TTLL7: variants seen among roughly 807,000 people sequenced by gnomAD.
The protein encoded by TTLL7 is tubulin tyrosine ligase like 7.
A neutral mutation model predicts 120.2 loss-of-function variants in TTLL7; 53 were observed. The ratio of observed to expected loss-of-function variants is 0.44; its 90% CI spans 0.35 to 0.55. The LOEUF is 0.55. Among genes scored for constraint, TTLL7 ranks in the 20% least tolerant of loss-of-function variants. The pLI, the probability that TTLL7 is intolerant of heterozygous loss-of-function variation, is 0.00. For synonymous variants in TTLL7, 353 were observed against 351.7 expected, an observed-to-expected ratio of 1.00 and a Z score of -0.04; for missense variants, 803 against 1,054.7, an observed-to-expected ratio of 0.76 and a Z score of 3.31.
chr1:83,951,988 T>G lies in TTLL7; in HGVS notation c.26-12A>C, dbSNP rs757639466. Reference sequence around the variant, plus strand: ...GGGTCCCTGAATAACTTTAAAAAAATGTAAAATAATCAGATAACACTGAAA... The same window carrying G: ...GGGTCCCTGAATAACTTTAAAAAAAGGTAAAATAATCAGATAACACTGAAA... On this transcript the variant is annotated splice_polypyrimidine_tract_variant and intron_variant, in intron 2 of 20. Coordinates refer to ENST00000260505, the MANE Select transcript of TTLL7 (RefSeq NM_024686.6). 4 of 1,598,604 alleles carry G rather than the reference T, an allele frequency of 2.5e-6. No individual in the cohort carries two copies. The East Asian group carries it at 6.7e-5, about 27-fold the overall frequency.
intron 14 of TTLL7, among the ~76,000 whole-genome samples, chr1:83,916,697 T>C (rs545966882): frequency 4.6e-5 from 7 of 152,138 alleles, no homozygotes; most frequent in Non-Finnish European, 4.4e-5. Context: ...AGAGATAGCA[T>C]AGTAATTCTG....
At chr1:83,932,830 G>A (rs754201169) in intron 9 of TTLL7, among the ~76,000 whole-genome samples, 3 of 152,112 alleles carry the variant, frequency 2.0e-5, no homozygotes, top group Non-Finnish European at 2.9e-5. Flanking sequence ...AAGCGGCCAC[G>A]AGAAGGTGTG....
Position 83,868,360 on chromosome 1 carries a change from T to C in TTLL7, c.*1602A>G, listed in dbSNP as rs1653058763. The C allele has an allele frequency of 1.3e-5, 2 of 152,214 alleles. No homozygotes were observed. Among genetic ancestry groups the C allele is most frequent in the South Asian group, 2.1e-4 (1 of 4,834 alleles). 9.4% of individuals were successfully genotyped at this position (152,214 alleles called of 1,614,324 possible). ...GTGATGGCTGCACTGATGATTTCAA[T>C]GTCAAAGTAGTACGGCTTATATTTT... On this transcript the variant is annotated 3_prime_UTR_variant, in exon 21 of 21. Transcript: ENST00000260505.
At chr1:83,946,980 T>C in intron 6 of TTLL7, 144 bp downstream of exon 6, 1 of 588,360 alleles carries the variant, frequency 1.7e-6, no homozygotes, top group Non-Finnish European at 2.7e-6. Context: ...TCATTAAATA[T>C]TTGGTTCCAA....
intron 9 of TTLL7, among the ~76,000 whole-genome samples, chr1:83,932,484 G>A (rs1659677019): frequency 6.6e-6 from 1 of 151,960 alleles, no homozygotes; most frequent in Non-Finnish European, 1.5e-5. Context: ...AGCAAAATAT[G>A]AACATCCAAC....
At chr1:83,972,949 C>A (rs980784040) in intron 1 of TTLL7, among the ~76,000 whole-genome samples, 4 of 151,988 alleles carry the variant, frequency 2.6e-5, no homozygotes, top group Admixed American at 2.0e-4. Context: ...TTTAAGAGTT[C>A]TTTGTATATT....
intron 9 of TTLL7, among the ~76,000 whole-genome samples, chr1:83,933,344 A>G (rs1297426127): frequency 6.6e-6 from 1 of 152,184 alleles, no homozygotes; most frequent in Admixed American, 6.6e-5. Context: ...ACAAAACAGT[A>G]AAAGCACCTC....
At chr1:83,986,126 A>G (rs1004810656) in intron 1 of TTLL7, among the ~76,000 whole-genome samples, 19 of 152,206 alleles carry the variant, frequency 1.2e-4, no homozygotes, top group Non-Finnish European at 1.5e-5. Flanking sequence ...ACAGACCAAT[A>G]TATTTCATTC....
chr1:83,967,490 T>C (rs1650578879), intron 1 of TTLL7, among the ~76,000 whole-genome samples: 1 of 152,092 alleles, frequency 6.6e-6, no homozygotes, highest in Non-Finnish European at 1.5e-5. Flanking sequence ...GGGCTGAACC[T>C]GCAGAAGGAG....
In TTLL7 at chr1:83,878,577, G is replaced by C. The variant is rs183949072; in HGVS notation, c.2543+4386C>G. On this transcript the variant is annotated intron_variant, in intron 20 of 20. Transcript: ENST00000260505. ...AGCACTAACAAATACTCACTAACAG[G>C]TACTGGGTTAGCAAGTACTTTCGAG... is the stretch of plus-strand genomic sequence containing the variant. 3.3e-5 allele frequency among the ~76,000 whole-genome samples: 5 copies of C among 151,932 alleles called. No homozygotes were observed. In the East Asian group the frequency reaches 9.7e-4, roughly 29 times the overall value.
At chr1:83,892,978 AAGAG>A (rs1655901370) in intron 18 of TTLL7, among the ~76,000 whole-genome samples, 1 of 147,680 alleles carries the variant, frequency 6.8e-6, no homozygotes, top group South Asian at 2.2e-4. Context: ...AAAGAGAAAA[AAGAG>A]AGGGGAGGGG....
At chr1:83,991,403 T>C (rs2100646077) in intron 1 of TTLL7, among the ~76,000 whole-genome samples, 1 of 152,292 alleles carries the variant, frequency 6.6e-6, no homozygotes, top group South Asian at 2.1e-4. Flanking sequence ...CCCTGCATTT[T>C]GGGATGCTAA....
In TTLL7 at chr1:83,910,238, G is replaced by A. The variant is rs548354520; in HGVS notation, c.1786+927C>T. ...AGTTTTAAAATATCCACATTATCAG[G>A]GAAGTTAACATATTAAATACATTGC... On this transcript the variant is annotated intron_variant, in intron 15 of 20. Coordinates refer to ENST00000260505, the MANE Select transcript of TTLL7 (RefSeq NM_024686.6). Among the ~76,000 whole-genome samples the A allele has an allele frequency of 2.0e-5, 3 of 152,164 alleles. No individual in the cohort carries two copies. In the South Asian group the frequency reaches 6.2e-4, roughly 32 times the overall value.
chr1:83,967,474 G>C (rs909369373), intron 1 of TTLL7, among the ~76,000 whole-genome samples: 1 of 152,062 alleles, frequency 6.6e-6, no homozygotes. Context: ...TTAGCTCAGG[G>C]GGAAAGGGCT....
chr1:83,870,377 A>G lies in TTLL7; in HGVS notation c.2544-295T>C, dbSNP rs531726307. On this transcript the variant is annotated intron_variant, in intron 20 of 20. Coordinates refer to ENST00000260505, the MANE Select transcript of TTLL7 (RefSeq NM_024686.6). ...TTTAGAATTCATTATCAGTCCTTGT[A>G]AGTAATATGTGGAGCCAGTCAAATA... 2.6e-5 allele frequency among the ~76,000 whole-genome samples: 4 copies of G among 152,320 alleles called. No homozygotes were observed. In the South Asian group the frequency reaches 8.3e-4, roughly 32 times the overall value.
chr1:83,952,606 G>T (rs78091634), intron 1 of TTLL7, among the ~76,000 whole-genome samples: 1 of 152,000 alleles, frequency 6.6e-6, no homozygotes, highest in Non-Finnish European at 1.5e-5. Context: ...ATTAAGTCAC[G>T]TGTCACATGT....
At chr1:83,975,522 G>C (rs1651386711) in intron 1 of TTLL7, among the ~76,000 whole-genome samples, 1 of 151,530 alleles carries the variant, frequency 6.6e-6, no homozygotes, top group African/African-American at 2.4e-5. Flanking sequence ...ATTTCATTTA[G>C]TCCTCACAGA....
chr1:83,988,397 A>G (rs964484021), intron 1 of TTLL7, among the ~76,000 whole-genome samples: 1 of 152,240 alleles, frequency 6.6e-6, no homozygotes, highest in African/African-American at 2.4e-5. Context: ...TTGGATATAT[A>G]TCCAGTAATG....
intron 18 of TTLL7, among the ~76,000 whole-genome samples, chr1:83,891,018 C>G (rs1253353162): frequency 6.6e-6 from 1 of 151,968 alleles, no homozygotes; most frequent in Non-Finnish European, 1.5e-5. Flanking sequence ...ATAAACTATT[C>G]TGTATCTTAG....
Sources: gnomAD v4.1 joint callset for allele counts (sites outside exome capture counted in the v4.1 genomes callset) on GRCh38, gnomAD v4.1.1 for gene constraint, MANE v1.5 for transcripts, NCBI Gene and HGNC (gene_info 2026-07-23, HGNC 2026-07-21) for gene names.